The following KIF7 variants were observed in gnomAD, a reference collection of about 807,000 sequenced individuals.
The protein encoded by KIF7 is kinesin-like protein KIF7.
Under a neutral mutation model 135.7 loss-of-function variants are expected in KIF7, and 104 were observed. The observed-to-expected ratio is 0.77, with a 90% CI of 0.65 to 0.90. KIF7 has a LOEUF of 0.90. Ranked by LOEUF, KIF7 falls within the 40% of genes least tolerant of loss-of-function variation. KIF7 has a pLI of 0.00. For synonymous variants in KIF7, 883 were observed against 809.4 expected, an observed-to-expected ratio of 1.09 and a Z score of -1.54; for missense variants, 2,005 against 1,839.1, an observed-to-expected ratio of 1.09 and a Z score of -1.65.
chr15:89,649,400 A>G lies in KIF7; in HGVS notation c.530-33T>C. The stretch of plus-strand genomic sequence containing the variant: ...CACAGAAGGCCGTGAGCCCCAGGGC[A>G]GGGGCCGCCAGACTGACCAGCCAGG... On this transcript the variant is annotated intron_variant, in intron 3 of 18. Transcript: ENST00000394412. 5.5e-6 allele frequency: 8 copies of G among 1,445,216 alleles called. No individual in the cohort carries two copies. In the South Asian group the frequency reaches 1.2e-4, roughly 21 times the overall value. The allele number at this position is 1,445,216 out of a possible 1,614,324, so 89.5% of individuals were successfully genotyped here.
chr15:89,642,355 G>A lies in KIF7; in HGVS notation c.2242C>T (p.Leu748=), dbSNP rs772884691. 6.2e-6 allele frequency: 10 copies of A among 1,610,030 alleles called. No individual in the cohort carries two copies. The highest frequency in any genetic ancestry group is 2.7e-5 in the African/African-American group (2 of 74,826). The change falls in exon 11 of 19, where the codon CTG becomes TTG. Residue 748 remains leucine (L), a synonymous_variant. Transcript: ENST00000394412. ...NRQHSQRIRE[L]EQEAEQVRAE... is the part of the protein sequence containing the mutation. ...CGCACCTGCTCTGCCTCCTGCTCCAGCTCCCGGATACGCTGGCTGTGCTGG... is the reference window on the plus strand; with the variant it reads ...CGCACCTGCTCTGCCTCCTGCTCCAACTCCCGGATACGCTGGCTGTGCTGG...
At chr15:89,625,802 AAAC>A, downstream of KIF7, 1 of 1,585,116 alleles carries the variant, frequency 6.3e-7, no homozygotes, top group Non-Finnish European at 8.6e-7. Flanking sequence ...TTCGTTTTTG[AAAC>A]CCAGTTTCCT....
At chr15:89,621,306 C>A in intron 1 of KIF7, 1 of 1,384,978 alleles carries the variant, frequency 7.2e-7, no homozygotes, top group Non-Finnish European at 9.8e-7. Context: ...CAGGCGTGAG[C>A]CACCATGCGT....
chr15:89,649,023 G>T lies in KIF7; in HGVS notation c.874C>A (p.Pro292Thr). The T allele has an allele frequency of 6.5e-7, 1 of 1,548,078 alleles. No homozygotes were observed. The highest frequency in any genetic ancestry group is 8.7e-7 in the Non-Finnish European group (1 of 1,146,562). The change falls in exon 4 of 19, where the codon CCT becomes ACT. Residue 292 changes from proline (P) to threonine (T), a missense_variant. Coordinates refer to ENST00000394412, the MANE Select transcript of KIF7 (RefSeq NM_198525.3). The part of the protein sequence containing the change: ...LGNVISALGD[P>T]QRRGSHIPYR... ...GGTATGTGGCTGCCCCGGCGCTGAG[G>T]GTCCCCCAGGGCGCTGATGACGTTG... is the stretch of plus-strand genomic sequence containing the variant.
chr15:89,628,455 G>A lies in KIF7; in HGVS notation c.3996C>T (p.Ser1332=). 1 of 1,609,122 alleles carries A rather than the reference G, an allele frequency of 6.2e-7. No homozygotes were observed. The highest frequency in any genetic ancestry group is 1.1e-5 in the South Asian group (1 of 90,792). ...SKPRRELRRA[S]PGMIDVRKNP... ...TTTTCCGGACATCAATCATCCCCGG[G>A]CTGGCTCGTCGCAGTTCCCGCCGGG... The change falls in exon 19 of 19, where the codon AGC becomes AGT. Residue 1332 remains serine, a synonymous_variant. Coordinates refer to ENST00000394412, the MANE Select transcript of KIF7 (RefSeq NM_198525.3).
At chr15:89,624,021 G>A (rs567593366), downstream of KIF7, 119 of 1,613,782 alleles carry the variant, frequency 7.4e-5, 2 homozygotes, top group South Asian at 1.3e-3. Context: ...CCCAGCCCAG[G>A]AGAGAGTGTC....
intron 11 of KIF7, among the ~76,000 whole-genome samples, chr15:89,634,367 C>T (rs1307914394): frequency 4.6e-5 from 7 of 152,308 alleles, no homozygotes; most frequent in East Asian, 1.9e-4. Context: ...CAGCTCCCAG[C>T]GTGAGTGACG....
At chr15:89,625,967 G>A, downstream of KIF7, 4 of 1,600,426 alleles carry the variant, frequency 2.5e-6, no homozygotes, top group Non-Finnish European at 1.7e-6. Context: ...GTGCCGTGCG[G>A]AGCTGCCTCT....
downstream of KIF7, chr15:89,624,570 T>C (rs534971807): frequency 2.2e-5 from 35 of 1,613,850 alleles, 1 homozygote; most frequent in South Asian, 3.2e-4. Flanking sequence ...CCACAGACTC[T>C]AGAGATGACC....
At chr15:89,634,701 T>C (rs906988494) in intron 11 of KIF7, among the ~76,000 whole-genome samples, 2 of 152,184 alleles carry the variant, frequency 1.3e-5, no homozygotes, top group African/African-American at 4.8e-5. Flanking sequence ...GGCTGATTGC[T>C]AGCACAGCAG....
At chr15:89,625,856 T>C, downstream of KIF7, 3 of 1,545,526 alleles carry the variant, frequency 1.9e-6, no homozygotes, top group South Asian at 2.6e-5. Flanking sequence ...AGGAGGCACT[T>C]GGGAGTTGCT....
At chr15:89,652,090 G>A (rs947189597) in intron 2 of KIF7, among the ~76,000 whole-genome samples, 32 of 152,180 alleles carry the variant, frequency 2.1e-4, no homozygotes, top group African/African-American at 7.7e-4. Flanking sequence ...GCAGTAACCC[G>A]ACAGAAAACA....
Position 89,628,382 on chromosome 15 carries a change from C to T in KIF7, c.*37G>A, listed in dbSNP as rs147387691. On this transcript the variant is annotated 3_prime_UTR_variant, in exon 19 of 19. Coordinates refer to ENST00000394412, the MANE Select transcript of KIF7 (RefSeq NM_198525.3). ...AGGCAGCTGCCCCTTTCAGCAGGCT[C>T]GGAGTCTCCCTCCAAGGCAGGGTCT... The T allele has an allele frequency of 3.4e-3, 5,392 of 1,572,470 alleles. 8 individuals carry two copies. The highest frequency in any genetic ancestry group is 4.0e-3 in the Non-Finnish European group (4,636 of 1,160,746).
At chr15:89,631,461 C>T (rs1340082857) in intron 15 of KIF7, 34 bp downstream of exon 15, 2 of 1,524,552 alleles carry the variant, frequency 1.3e-6, no homozygotes, top group South Asian at 1.2e-5. Flanking sequence ...CATACAATGG[C>T]ACCAAGGGGC....
intron 1 of KIF7, among the ~76,000 whole-genome samples, chr15:89,619,263 T>A (rs1963385482): frequency 6.7e-6 from 1 of 149,170 alleles, no homozygotes; most frequent in Admixed American, 6.7e-5. Flanking sequence ...TCTTGCTCTG[T>A]CGCCCAGGCT....
chr15:89,642,143 G>T, intron 11 of KIF7, 60 bp downstream of exon 11: 5 of 1,551,154 alleles, frequency 3.2e-6, no homozygotes, highest in South Asian at 1.1e-5. Flanking sequence ...TGGTCCCAAG[G>T]ATGGCAGCCT....
At chr15:89,647,427 G>A (rs1964034830) in intron 6 of KIF7, among the ~76,000 whole-genome samples, 169 bp downstream of exon 6, 1 of 152,036 alleles carries the variant, frequency 6.6e-6, no homozygotes, top group Non-Finnish European at 1.5e-5. Flanking sequence ...ACCCACCTGC[G>A]CTGTTGTGAT....
downstream of KIF7, chr15:89,627,503 C>G (rs1440504228): frequency 5.3e-6 from 1 of 188,310 alleles, no homozygotes; most frequent in African/African-American, 2.3e-5. Context: ...GCTTTGTAAA[C>G]TGTGAAGCCA....
chr15:89,620,601 T>TA (rs1963407521), intron 1 of KIF7, among the ~76,000 whole-genome samples: 2 of 152,334 alleles, frequency 1.3e-5, no homozygotes, highest in Non-Finnish European at 2.9e-5. Flanking sequence ...TTACTAAAAT[T>TA]AAAAAAGGCA....
Sources: allele counts gnomAD v4.1 joint callset (sites outside exome capture counted in the v4.1 genomes callset), GRCh38; gene constraint gnomAD v4.1.1; transcripts MANE v1.5; gene names NCBI Gene and HGNC (gene_info 2026-07-23, HGNC 2026-07-21).